BTNL2: variants seen among roughly 807,000 people sequenced by gnomAD.
The protein encoded by BTNL2 is butyrophilin-like protein 2.
In BTNL2, 46 loss-of-function variants were observed where a neutral mutation model predicts 46.8. The observed-to-expected ratio is 0.98, with a 90% confidence interval of 0.78 to 1.26. The LOEUF is 1.26. Ranked by LOEUF, BTNL2 falls within the 50% of genes most tolerant of loss-of-function variation. The pLI, the probability that BTNL2 is intolerant of heterozygous loss-of-function variation, is 0.00. For synonymous variants in BTNL2, 226 were observed against 229.1 expected (o/e 0.99, Z 0.12); for missense variants, 461 against 592.6 (o/e 0.78, Z 2.31).
rs1331556394 is a variant in BTNL2 at position 32,399,639 on chromosome 6, C to T, written c.730+2146G>A. ...CCATTTCTTCCTGATTTTTGGCAAA[C>T]CATGTATGTCTCTAAGATTGTTTCT... On this transcript the variant is annotated intron_variant, in intron 4 of 7. Transcript: ENST00000454136. This position sits in a 1 kb window ranked among gnomAD's most constrained non-coding sequence, Gnocchi z 5.2. 1.3e-5 allele frequency among the ~76,000 whole-genome samples: 2 copies of T among 152,096 alleles called. No individual in the cohort carries two copies. The highest frequency in any genetic ancestry group is 2.4e-5 in the African/African-American group (1 of 41,412).
Position 32,394,956 on chromosome 6 carries a change from G to GA in BTNL2, c.1147dup (p.Ser383PhefsTer?), listed in dbSNP as rs770209747. Reference sequence around the variant, plus strand: ...GTGGGGCTGTGGGAACCACCCATCTGAAGAGCACATCGGCTGCATTTCTCC... The same window carrying GA: ...GTGGGGCTGTGGGAACCACCCATCTGAAAGAGCACATCGGCTGCATTTCTCC... On this transcript the variant is annotated frameshift_variant, in exon 6 of 8. Coordinates refer to ENST00000454136, the MANE Select transcript of BTNL2 (RefSeq NM_001304561.2). LOFTEE classifies it high-confidence loss of function. This position sits in a 1 kb window ranked among gnomAD's most constrained non-coding sequence, Gnocchi z 4.6. The GA allele has an allele frequency of 3.1e-6, 5 of 1,614,124 alleles. No homozygotes were observed. Among genetic ancestry groups the GA allele is most frequent in the Non-Finnish European group, 4.2e-6 (5 of 1,179,960 alleles).
At chr6:32,406,972 G>T in intron 1 of BTNL2, 73 bp downstream of exon 1, 1 of 1,425,090 alleles carries the variant, frequency 7.0e-7, no homozygotes, top group Non-Finnish European at 9.8e-7. Flanking sequence ...CTTAGATGTT[G>T]TTCTCGACCT....
intron 4 of BTNL2, among the ~76,000 whole-genome samples, chr6:32,400,912 C>CAAAAA (rs760395296): frequency 0.029 from 2,739 of 93,442 alleles, 69 homozygotes; most frequent in Admixed American, 0.04. Context: ...GACTCCGTCT[C>CAAAAA]AAAAAAAAAA....
chr6:32,394,127 T>G lies in BTNL2; in HGVS notation c.1361-70A>C. On this transcript the variant is annotated intron_variant, in intron 6 of 7. Transcript: ENST00000454136. This position sits in a 1 kb window ranked among gnomAD's most constrained non-coding sequence, Gnocchi z 4.6. ...CAATATTAAGATTGTACTTTTCATC[T>G]GAGCAGCTTCTAGGCTGGAGAGAAG... 1 of 1,535,382 alleles carries G rather than the reference T, an allele frequency of 6.5e-7. No homozygotes were observed. The highest frequency in any genetic ancestry group is 8.8e-7 in the Non-Finnish European group (1 of 1,138,466).
At position 32,405,074 on chromosome 6, in the gene BTNL2, T is replaced by C; in HGVS notation, c.292A>G (p.Ile98Val). The change falls in exon 2 of 8, where the codon ATA (isoleucine) becomes GTA (valine). Residue 98 changes from isoleucine to valine, a missense_variant. By Grantham distance (29) the Ile-to-Val change is conservative. Coordinates refer to ENST00000454136, the MANE Select transcript of BTNL2 (RefSeq NM_001304561.2). ...MEEYRGWVEW[I>V]ENGIAKGNVA... ...TTTCCCTTTGCAATGCCATTCTCTATCCACTCTACCCAGCCTCTGTACTCC... is the reference window on the plus strand; with the variant it reads ...TTTCCCTTTGCAATGCCATTCTCTACCCACTCTACCCAGCCTCTGTACTCC... 1 of 1,613,060 alleles carries C rather than the reference T, an allele frequency of 6.2e-7. No homozygotes were observed. The highest frequency in any genetic ancestry group is 8.5e-7 in the Non-Finnish European group (1 of 1,180,030).
Position 32,394,913 on chromosome 6 carries a change from C to T in BTNL2, c.1191G>A (p.Met397Ile). ...FPQPHVPWRD[M>I]EGKTIPSSSQ... ...AAGATGATGGTATCGTCTTTCCTTC[C>T]ATGTCCCTCCATGGCACGTGGGGCT... The change falls in exon 6 of 8, where the codon ATG becomes ATA. Residue 397 changes from methionine (M) to isoleucine (I), a missense_variant. Transcript: ENST00000454136. The surrounding 1 kb of genome is among the most constrained non-coding windows in gnomAD (Gnocchi z 4.6). The T allele has an allele frequency of 6.2e-7, 1 of 1,614,204 alleles. No homozygotes were observed.
In BTNL2 at chr6:32,405,014, C is replaced by T. The variant is rs143211074; in HGVS notation, c.352G>A (p.Asp118Asn). ...ALKIHNIQPS[D>N]NGQYWCHFQD... is the part of the protein sequence containing the mutation. ...AAATGGCACCAGTATTGTCCATTGT[C>T]GGAGGGCTGGATGTTGTGTATCTTC... Residue 118 changes from aspartate (D) to asparagine (N), a missense_variant, in exon 2 of 8, where the codon GAC (aspartate) becomes AAC (asparagine). Physicochemically the swap from Asp to Asn is conservative, Grantham distance 23 (BLOSUM62 1). Coordinates refer to ENST00000454136, the MANE Select transcript of BTNL2 (RefSeq NM_001304561.2). The T allele has an allele frequency of 8.3e-3, 13,418 of 1,613,070 alleles. 366 individuals carry two copies. The highest frequency in any genetic ancestry group is 0.057 in the Middle Eastern group (345 of 6,062).
rs138358964 is a variant in BTNL2 at position 32,403,210 on chromosome 6, C to A, written c.434G>T (p.Gly145Val). The change falls in exon 3 of 8, where the codon GGG becomes GTG. Residue 145 changes from glycine to valine, a missense_variant. Physicochemically the swap from Gly to Val is moderately radical, Grantham distance 109. Coordinates refer to ENST00000454136, the MANE Select transcript of BTNL2 (RefSeq NM_001304561.2). ...CTCCATGTGGATGCTAGGGGCAGAC[C>A]CCAGACCTGCAGAGGGAAGCCACAG... The part of the protein sequence containing the change: ...TSLLLKVAGL[G>V]SAPSIHMEGP... The A allele has an allele frequency of 9.8e-4, 1,579 of 1,604,016 alleles. 12 individuals carry two copies. In the African/African-American group the frequency reaches 0.018, roughly 18 times the overall value.
chr6:32,394,997 C>T lies in BTNL2; in HGVS notation c.1107G>A (p.Val369=). ...GCATTTCTCCATCTTCTTGCCCCTC[C>T]ACAGTGATCAGTGGGGAAGAACCCA... ...VSLGSSPLIT[V]EGQEDGEMQP... The change falls in exon 6 of 8, where the codon GTG becomes GTA. Residue 369 remains valine (V), a synonymous_variant. Transcript: ENST00000454136. The surrounding 1 kb of genome is among the most constrained non-coding windows in gnomAD (Gnocchi z 4.6). 1.2e-6 allele frequency: 2 copies of T among 1,605,442 alleles called. No individual in the cohort carries two copies. Among genetic ancestry groups the T allele is most frequent in the Admixed American group, 1.7e-5 (1 of 59,494 alleles).
rs1777198572 is a variant in BTNL2, at chr6:32,407,027, G to A, written c.79+18C>T. On this transcript the variant is annotated intron_variant, in intron 1 of 7. Coordinates refer to ENST00000454136, the MANE Select transcript of BTNL2 (RefSeq NM_001304561.2). The stretch of plus-strand genomic sequence containing the variant: ...CTGGGACATTAGACTATACAGTAAA[G>A]GGAGAAGGGAATCCTACCTGACTGC... 1 of 1,609,516 alleles carries A rather than the reference G, an allele frequency of 6.2e-7. No individual in the cohort carries two copies. The highest frequency in any genetic ancestry group is 8.5e-7 in the Non-Finnish European group (1 of 1,177,170).
chr6:32,396,500 T>C lies in BTNL2; in HGVS notation c.731-114A>G. ...AACCATGAGCATCCCAGGGTTGCTGTGAGGCTCAGGGTCATCCTTAGGTGA... is the reference window on the plus strand; with the variant it reads ...AACCATGAGCATCCCAGGGTTGCTGCGAGGCTCAGGGTCATCCTTAGGTGA... On this transcript the variant is annotated intron_variant, in intron 4 of 7. Coordinates refer to ENST00000454136, the MANE Select transcript of BTNL2 (RefSeq NM_001304561.2). This position sits in a 1 kb window ranked among gnomAD's most constrained non-coding sequence, Gnocchi z 4.4. 9.3e-7 allele frequency: 1 copy of C among 1,071,800 alleles called. No homozygotes were observed. The highest frequency in any genetic ancestry group is 1.4e-5 in the South Asian group (1 of 73,432). 66.4% of individuals were successfully genotyped at this position (1,071,800 alleles called of 1,614,324 possible).
rs559316216 is a variant in BTNL2, at chr6:32,399,167, G to A, written c.730+2618C>T. 6.6e-6 allele frequency among the ~76,000 whole-genome samples: 1 copy of A among 152,290 alleles called. No homozygotes were observed. The highest frequency in any genetic ancestry group is 2.4e-5 in the African/African-American group (1 of 41,548). On this transcript the variant is annotated intron_variant, in intron 4 of 7. Transcript: ENST00000454136. The surrounding 1 kb of genome is among the most constrained non-coding windows in gnomAD (Gnocchi z 5.2). Reference sequence around the variant, plus strand: ...CCAATCAGCTCCCCCTTATAAGTGTGAACATGCAGTAGTTAACCTCCTTTT... The same window carrying A: ...CCAATCAGCTCCCCCTTATAAGTGTAAACATGCAGTAGTTAACCTCCTTTT...
chr6:32,403,230 C>T lies in BTNL2; in HGVS notation c.428-14G>A. The T allele has an allele frequency of 6.3e-7, 1 of 1,588,420 alleles. No homozygotes were observed. The highest frequency in any genetic ancestry group is 8.6e-7 in the Non-Finnish European group (1 of 1,166,502). The stretch of plus-strand genomic sequence containing the variant: ...CAGACCCCAGACCTGCAGAGGGAAG[C>T]CACAGCTCTGACACCCAGAGCCCAC... On this transcript the variant is annotated splice_polypyrimidine_tract_variant and intron_variant, in intron 2 of 7. Transcript: ENST00000454136.
chr6:32,393,817 G>T lies in BTNL2; in HGVS notation c.*6+146C>A, dbSNP rs548817329. On this transcript the variant is annotated intron_variant, in intron 7 of 7. Coordinates refer to ENST00000454136, the MANE Select transcript of BTNL2 (RefSeq NM_001304561.2). This position sits in a 1 kb window ranked among gnomAD's most constrained non-coding sequence, Gnocchi z 4.8. ...GAGCCTGGATTGCATGATAAGCCCT[G>T]GGCTTTCCTGTTTCTCATGTTTCCT... 2 of 1,188,072 alleles carry T rather than the reference G, an allele frequency of 1.7e-6. No individual in the cohort carries two copies. The highest frequency in any genetic ancestry group is 2.3e-6 in the Non-Finnish European group (2 of 874,466). The allele number at this position is 1,188,072 out of a possible 1,614,324, so 73.6% of individuals were successfully genotyped here. A position where few individuals can be genotyped will look rare whatever the true frequency, so the allele number is the denominator to read the frequency against.
chr6:32,393,917 G>T lies in BTNL2; in HGVS notation c.*6+46C>A. On this transcript the variant is annotated intron_variant, in intron 7 of 7. Transcript: ENST00000454136. The surrounding 1 kb of genome is among the most constrained non-coding windows in gnomAD (Gnocchi z 4.8). ...GGAGGCTCGGGGAAGTACGCAGTAC[G>T]GTTCCCACTGCAGTGTGCTCCGCTG... 1 of 1,541,396 alleles carries T rather than the reference G, an allele frequency of 6.5e-7. No homozygotes were observed. Among genetic ancestry groups the T allele is most frequent in the South Asian group, 1.2e-5 (1 of 82,726 alleles).
intron 3 of BTNL2, 54 bp from the exon 4 acceptor site, chr6:32,401,859 A>C: frequency 6.6e-7 from 1 of 1,525,578 alleles, no homozygotes; most frequent in Non-Finnish European, 9.0e-7. Context: ...GGGAAAGGAG[A>C]GAAACTATTT....
In BTNL2 at chr6:32,399,102, C is replaced by T. The variant is rs1231703103; in HGVS notation, c.730+2683G>A. Among the ~76,000 whole-genome samples, 1 of 152,180 alleles carries T rather than the reference C, an allele frequency of 6.6e-6. No homozygotes were observed. Among genetic ancestry groups the T allele is most frequent in the Non-Finnish European group, 1.5e-5 (1 of 68,024 alleles). ...CCTCCCCCATCCCCCAACAGGTGTCCAGTGTGTGTTGTTCCCTGCCATGCA... is the reference window on the plus strand; with the variant it reads ...CCTCCCCCATCCCCCAACAGGTGTCTAGTGTGTGTTGTTCCCTGCCATGCA... On this transcript the variant is annotated intron_variant, in intron 4 of 7. Transcript: ENST00000454136. This position sits in a 1 kb window ranked among gnomAD's most constrained non-coding sequence, Gnocchi z 5.2.
intron 4 of BTNL2, among the ~76,000 whole-genome samples, chr6:32,400,845 G>A (rs533896440): frequency 1.4e-5 from 2 of 146,256 alleles, no homozygotes; most frequent in South Asian, 2.2e-4. Flanking sequence ...TCCAGGAGAT[G>A]GAGGTTGCAG....
At position 32,403,149 on chromosome 6, in the gene BTNL2, A is replaced by T; in HGVS notation, c.495T>A (p.Thr165=). Residue 165 remains threonine, a synonymous_variant, in exon 3 of 8, where the codon ACT becomes ACA. Coordinates refer to ENST00000454136, the MANE Select transcript of BTNL2 (RefSeq NM_001304561.2). ...PGESGVQLVC[T]ARGWFPEPQV... ...GGGGCTCTGGGAACCAGCCCCTTGC[A>T]GTGCACACAAGCTGGACTCCACTCT... 4 of 1,612,682 alleles carry T rather than the reference A, an allele frequency of 2.5e-6. No homozygotes were observed. The highest frequency in any genetic ancestry group is 3.4e-6 in the Non-Finnish European group (4 of 1,179,868).
Sources: gnomAD v4.1 joint callset for allele counts (sites outside exome capture counted in the v4.1 genomes callset) on GRCh38, gnomAD v4.1.1 for gene constraint, Gnocchi (gnomAD v3.1) non-coding constraint, MANE v1.5 for transcripts, NCBI Gene and HGNC (gene_info 2026-07-23, HGNC 2026-07-21) for gene names.